SFXN1: variants seen among roughly 807,000 people sequenced by gnomAD.
SFXN1 encodes the protein sideroflexin 1, also known as sideroflexin-1.
Under a neutral mutation model 39.5 loss-of-function variants are expected in SFXN1, and 32 were observed. The observed-to-expected ratio is 0.81, with a 90% confidence interval of 0.61 to 1.09. The LOEUF (loss-of-function observed/expected upper bound fraction) is 1.09, where lower values mean the gene tolerates loss of function less well. Among genes scored for constraint, SFXN1 ranks in the 50% least tolerant of loss-of-function variants. The pLI is 0.00. For synonymous variants in SFXN1, 136 were observed against 146.5 expected (o/e 0.93, Z 0.52); for missense variants, 402 against 407.1 (o/e 0.99, Z 0.11).
chr5:175,502,577 T>G (rs932919417), intron 2 of SFXN1, among the ~76,000 whole-genome samples: 1 of 152,234 alleles, frequency 6.6e-6, no homozygotes, highest in Non-Finnish European at 1.5e-5. Flanking sequence ...CAGTGGCTCA[T>G]GCCTGTAATC....
chr5:175,485,622 G>A (rs564900244), intron 1 of SFXN1, among the ~76,000 whole-genome samples: 1 of 152,334 alleles, frequency 6.6e-6, no homozygotes, highest in South Asian at 2.1e-4. Flanking sequence ...CATATTCACA[G>A]TAGTAGGTGC....
At position 175,518,603 on chromosome 5, in the gene SFXN1, ACTT is replaced by A. The variant is rs200548564; in HGVS notation, c.774+1944_774+1946del. 2.8e-4 allele frequency among the ~76,000 whole-genome samples: 42 copies of A among 152,308 alleles called. No individual in the cohort carries two copies. In the East Asian group the frequency reaches 5.8e-3, roughly 21 times the overall value. On this transcript the variant is annotated intron_variant, in intron 8 of 10. Transcript: ENST00000321442. ...ACCCAACTGGTGTAGGTGAGCAGAG[ACTT>A]CTTTGAAGAGGACTGGCTGAGGGCC...
chr5:175,501,216 G>A (rs988071219), intron 2 of SFXN1, among the ~76,000 whole-genome samples: 10 of 151,760 alleles, frequency 6.6e-5, no homozygotes, highest in South Asian at 2.1e-4. Flanking sequence ...TTACAGGTAC[G>A]TGCCACCACG....
chr5:175,498,116 T>C (rs1035561847), intron 2 of SFXN1, among the ~76,000 whole-genome samples: 1 of 151,704 alleles, frequency 6.6e-6, no homozygotes, highest in Non-Finnish European at 1.5e-5. Flanking sequence ...ATTAATCTTA[T>C]TAATGAGAAA....
intron 8 of SFXN1, among the ~76,000 whole-genome samples, chr5:175,518,633 C>T (rs978765977): frequency 2.0e-5 from 3 of 152,174 alleles, no homozygotes; most frequent in African/African-American, 7.2e-5. Context: ...CTGAGGGCCA[C>T]ATGCTCTACA....
At chr5:175,498,306 T>C (rs1430797233) in intron 2 of SFXN1, among the ~76,000 whole-genome samples, 1 of 152,194 alleles carries the variant, frequency 6.6e-6, no homozygotes, top group Admixed American at 6.5e-5. Context: ...TGCTGGATAC[T>C]GACGGCTTTA....
At chr5:175,512,417 G>C (rs969379287) in intron 6 of SFXN1, among the ~76,000 whole-genome samples, 1 of 152,172 alleles carries the variant, frequency 6.6e-6, no homozygotes, top group Non-Finnish European at 1.5e-5. Flanking sequence ...AGCAGACTGA[G>C]GAGTGCGGGG....
chr5:175,503,144 C>T (rs527878523), intron 2 of SFXN1, among the ~76,000 whole-genome samples: 12 of 152,192 alleles, frequency 7.9e-5, no homozygotes, highest in Non-Finnish European at 1.3e-4. Flanking sequence ...ACCACAATTC[C>T]GGGGCGGTTA....
At chr5:175,491,163 T>G (rs1470889313) in intron 1 of SFXN1, among the ~76,000 whole-genome samples, 1 of 152,176 alleles carries the variant, frequency 6.6e-6, no homozygotes, top group Non-Finnish European at 1.5e-5. Context: ...AAATAAAAAT[T>G]GTATGAGGAT....
At position 175,509,122 on chromosome 5, in the gene SFXN1, G is replaced by A. The variant is rs1468497322; in HGVS notation, c.255G>A (p.Glu85=). The A allele has an allele frequency of 6.2e-7, 1 of 1,613,808 alleles. No individual in the cohort carries two copies. The highest frequency in any genetic ancestry group is 1.3e-5 in the African/African-American group (1 of 74,916). Residue 85 remains glutamate, a synonymous_variant, in exon 3 of 11, where the codon GAG becomes GAA. Coordinates refer to ENST00000321442, the MANE Select transcript of SFXN1 (RefSeq NM_022754.7). Reference sequence around the variant, plus strand: ...CAGCTTTTCATCCTGACACTGGTGAGAAGATGATTTTGATAGGAAGAATGT... The same window carrying A: ...CAGCTTTTCATCCTGACACTGGTGAAAAGATGATTTTGATAGGAAGAATGT... ...YDSAFHPDTG[E]KMILIGRMSA...
chr5:175,498,650 A>G lies in SFXN1; in HGVS notation c.164+6383A>G, dbSNP rs193247727. Among the ~76,000 whole-genome samples, 896 of 152,336 alleles carry G rather than the reference A, an allele frequency of 5.9e-3. 10 individuals carry two copies. Among genetic ancestry groups the G allele is most frequent in the African/African-American group, 0.021 (861 of 41,580 alleles). ...AAAGAAAACAAATAAAACTCAAAAT[A>G]TATAACAAAAGGAGTAAGAAAGCTA... is the stretch of plus-strand genomic sequence containing the variant. On this transcript the variant is annotated intron_variant, in intron 2 of 10. Coordinates refer to ENST00000321442, the MANE Select transcript of SFXN1 (RefSeq NM_022754.7).
intron 1 of SFXN1, among the ~76,000 whole-genome samples, chr5:175,482,407 C>CT (rs1260502382): frequency 2.0e-5 from 3 of 152,130 alleles, no homozygotes; most frequent in Non-Finnish European, 4.4e-5. Flanking sequence ...TTGGAAAATT[C>CT]TTTTTTTCTC....
chr5:175,503,678 A>T (rs1161419655), intron 2 of SFXN1, among the ~76,000 whole-genome samples: 13 of 152,202 alleles, frequency 8.5e-5, no homozygotes, highest in Non-Finnish European at 1.6e-4. Context: ...ATGGAACACT[A>T]GAGCTGAACT....
intron 2 of SFXN1, among the ~76,000 whole-genome samples, chr5:175,493,484 G>T (rs1050939829): frequency 6.6e-6 from 1 of 152,128 alleles, no homozygotes; most frequent in Non-Finnish European, 1.5e-5. Context: ...ACTGAGTCTG[G>T]CCAAGTTCTG....
intron 2 of SFXN1, among the ~76,000 whole-genome samples, chr5:175,507,698 C>T (rs562289455): frequency 2.9e-4 from 44 of 152,264 alleles, no homozygotes; most frequent in African/African-American, 1.0e-3. Context: ...TGAGGCTGGG[C>T]ATGGTGGCCC....
intron 2 of SFXN1, 136 bp from the exon 3 acceptor site, chr5:175,508,896 A>G (rs947266809): frequency 5.7e-6 from 4 of 698,536 alleles, no homozygotes; most frequent in Middle Eastern, 2.6e-4. Flanking sequence ...CAGCCTCCCA[A>G]AGTGCTGGGA....
At chr5:175,512,738 T>C (rs1376039237) in intron 6 of SFXN1, among the ~76,000 whole-genome samples, 3 of 152,168 alleles carry the variant, frequency 2.0e-5, no homozygotes, top group South Asian at 2.1e-4. Context: ...TTAGTAAATA[T>C]AGTTAATAAA....
intron 8 of SFXN1, 22 bp downstream of exon 8, chr5:175,516,685 A>G (rs1347280764): frequency 3.7e-6 from 6 of 1,608,712 alleles, no homozygotes; most frequent in Non-Finnish European, 5.1e-6. Context: ...TTCTTTTGTC[A>G]TTTTCTCAAC....
intron 4 of SFXN1, 121 bp from the exon 5 acceptor site, chr5:175,511,330 T>C (rs758431677): frequency 1.7e-5 from 13 of 761,158 alleles, no homozygotes; most frequent in Non-Finnish European, 2.9e-5. Flanking sequence ...AATGTTGTTT[T>C]GTAGACTCTT....
Sources: allele counts gnomAD v4.1 joint callset (sites outside exome capture counted in the v4.1 genomes callset), GRCh38; gene constraint gnomAD v4.1.1; transcripts MANE v1.5; gene names NCBI Gene and HGNC (gene_info 2026-07-23, HGNC 2026-07-21).